Variants in LRRC7 observed in about 807,000 individuals in gnomAD.
The protein encoded by LRRC7 is leucine-rich repeat-containing protein 7.
A neutral mutation model predicts 175.7 loss-of-function variants in LRRC7; 23 were observed. That is an observed-to-expected ratio of 0.13 (90% confidence interval 0.09 to 0.19). LRRC7 has a LOEUF of 0.19. Ranked by LOEUF, LRRC7 falls within the 10% of genes least tolerant of loss-of-function variation. The pLI is 1.00. For missense variants in LRRC7, 1,354 were observed against 1,904.7 expected (o/e 0.71, Z 5.38); for synonymous variants, 685 against 680.9 (o/e 1.01, Z -0.09).
chr1:69,997,611 G>A, intron 11 of LRRC7, among the ~76,000 whole-genome samples: 1 of 150,800 alleles, frequency 6.6e-6, no homozygotes, highest in African/African-American at 2.4e-5. Flanking sequence ...TTAGCATGAA[G>A]GGTTGTTGAA....
intron 8 of LRRC7, among the ~76,000 whole-genome samples, chr1:69,939,021 ATATATATATCTATATATATCTATATC>A (rs879443314): frequency 0.03 from 3,498 of 118,428 alleles, 218 homozygotes; most frequent in African/African-American, 0.049. Context: ...ATATCTATAT[ATATATATATCTATATATATCTATATC>A]TATCTCACAG....
intron 7 of LRRC7, among the ~76,000 whole-genome samples, chr1:69,928,255 G>A (rs1259859311): frequency 6.6e-6 from 1 of 152,212 alleles, no homozygotes; most frequent in Non-Finnish European, 1.5e-5. Flanking sequence ...GGGGTCAGGA[G>A]TCAGGGACCC....
At chr1:69,658,043 C>T (rs1656908821) in intron 1 of LRRC7, among the ~76,000 whole-genome samples, 1 of 151,742 alleles carries the variant, frequency 6.6e-6, no homozygotes, top group Non-Finnish European at 1.5e-5. Flanking sequence ...ATGGCTCTTA[C>T]TCAAGCCTAA....
intron 1 of LRRC7, among the ~76,000 whole-genome samples, chr1:69,670,251 C>G (rs1005811103): frequency 2.0e-5 from 3 of 152,182 alleles, no homozygotes; most frequent in African/African-American, 7.2e-5. Flanking sequence ...TTCAAAAGGA[C>G]ATGGGTGTTG....
At chr1:69,662,004 G>A (rs1657541358) in intron 1 of LRRC7, among the ~76,000 whole-genome samples, 2 of 152,118 alleles carry the variant, frequency 1.3e-5, no homozygotes, top group South Asian at 4.1e-4. Flanking sequence ...GCAATAATCT[G>A]AACATGAGCA....
chr1:70,115,220 T>TC (rs1665771557), intron 26 of LRRC7, among the ~76,000 whole-genome samples: 1 of 152,198 alleles, frequency 6.6e-6, no homozygotes, highest in Admixed American at 6.5e-5. Context: ...ACTACAAAGA[T>TC]CAATAGCAAG....
intron 1 of LRRC7, among the ~76,000 whole-genome samples, chr1:69,595,301 TC>T (rs1221257670): frequency 7.9e-5 from 12 of 152,098 alleles, no homozygotes; most frequent in Admixed American, 5.9e-4. Context: ...GCACCTGTAA[TC>T]CCAGCTACTC....
Position 69,641,112 on chromosome 1 carries a change from G to A in LRRC7, c.3-37269G>A, listed in dbSNP as rs1414838037. On this transcript the variant is annotated intron_variant, in intron 1 of 26. Coordinates refer to ENST00000651989, the MANE Select transcript of LRRC7 (RefSeq NM_001370785.2). ...GAATTTATTCCTTTATTTTTTCCAT[G>A]TAACAAGTTATAGTAATATTTTATA... Among the ~76,000 whole-genome samples, 5 of 151,468 alleles carry A rather than the reference G, an allele frequency of 3.3e-5. No individual in the cohort carries two copies. The East Asian group carries it at 9.7e-4, about 29-fold the overall frequency.
chr1:70,095,607 T>C (rs1182513255), intron 25 of LRRC7, among the ~76,000 whole-genome samples: 1 of 152,162 alleles, frequency 6.6e-6, no homozygotes, highest in East Asian at 1.9e-4. Context: ...CTTTAGCCAA[T>C]TGAAAAATGT....
chr1:69,906,107 T>C (rs1293840079), intron 7 of LRRC7, among the ~76,000 whole-genome samples: 1 of 152,054 alleles, frequency 6.6e-6, no homozygotes, highest in Non-Finnish European at 1.5e-5. Flanking sequence ...ATGGGGTTGT[T>C]TGTTTTTTTC....
chr1:69,657,225 T>C (rs1209400246), intron 1 of LRRC7, among the ~76,000 whole-genome samples: 1 of 151,884 alleles, frequency 6.6e-6, no homozygotes, highest in African/African-American at 2.4e-5. Context: ...TAACATATCA[T>C]TATTCTATGA....
rs1032126177 is a variant in LRRC7, at chr1:70,143,383, A to G, written c.*21496A>G. ...AATTTACAATATTCGACTGGTAAAG[A>G]AAGTGCTTCTTTATGACTTCTTTTG... On this transcript the variant is annotated 3_prime_UTR_variant, in exon 27 of 27. Transcript: ENST00000651989. The G allele has an allele frequency of 6.6e-6, 1 of 152,156 alleles. No homozygotes were observed. The highest frequency in any genetic ancestry group is 1.5e-5 in the Non-Finnish European group (1 of 68,040). The allele number at this position is 152,156 out of a possible 1,614,324, so 9.4% of individuals were successfully genotyped here. A position where few individuals can be genotyped will look rare whatever the true frequency, so the allele number is the denominator to read the frequency against.
At chr1:69,849,200 A>C (rs1682705845) in intron 7 of LRRC7, among the ~76,000 whole-genome samples, 1 of 152,066 alleles carries the variant, frequency 6.6e-6, no homozygotes, top group Non-Finnish European at 1.5e-5. Flanking sequence ...CTTATCAAGC[A>C]TTAGCTGTTT....
Position 70,143,713 on chromosome 1 carries a change from C to CTTACT in LRRC7, c.*21830_*21834dup, listed in dbSNP as rs1667177268. 6.6e-6 allele frequency: 1 copy of CTTACT among 151,946 alleles called. No individual in the cohort carries two copies. Among genetic ancestry groups the CTTACT allele is most frequent in the African/African-American group, 2.4e-5 (1 of 41,372 alleles). The allele number at this position is 151,946 out of a possible 1,614,324, so 9.4% of individuals were successfully genotyped here. A position where few individuals can be genotyped will look rare whatever the true frequency, so the allele number is the denominator to read the frequency against. On this transcript the variant is annotated 3_prime_UTR_variant, in exon 27 of 27. Coordinates refer to ENST00000651989, the MANE Select transcript of LRRC7 (RefSeq NM_001370785.2). The stretch of plus-strand genomic sequence containing the variant: ...ACTCTAGCCAATTCAAAACAAATTG[C>CTTACT]TTACTTTAATAATACAATTTTACCA...
intron 1 of LRRC7, among the ~76,000 whole-genome samples, chr1:69,573,648 AATT>A (rs1255601215): frequency 9.2e-5 from 14 of 152,284 alleles, no homozygotes; most frequent in African/African-American, 3.4e-4. Flanking sequence ...ATGCTAATTA[AATT>A]ATTATTCATA....
chr1:69,623,056 A>C (rs926346729), intron 1 of LRRC7, among the ~76,000 whole-genome samples: 3 of 152,112 alleles, frequency 2.0e-5, no homozygotes, highest in Admixed American at 1.3e-4. Context: ...CAGGTTTTCT[A>C]CCACTTGGAT....
chr1:70,003,978 T>A (rs1439768377), intron 11 of LRRC7, among the ~76,000 whole-genome samples: 6 of 152,194 alleles, frequency 3.9e-5, no homozygotes. Context: ...CTAACGTAAT[T>A]TTTTTGCAAA....
chr1:70,109,981 A>G (rs1018670308), intron 26 of LRRC7, among the ~76,000 whole-genome samples: 6 of 152,254 alleles, frequency 3.9e-5, no homozygotes, highest in Non-Finnish European at 8.8e-5. Flanking sequence ...TCCTTCCTCC[A>G]TGACAGAAGC....
chr1:70,039,057 T>A lies in LRRC7; in HGVS notation c.3233T>A (p.Val1078Glu). 6.2e-7 allele frequency: 1 copy of A among 1,614,062 alleles called. No individual in the cohort carries two copies. The highest frequency in any genetic ancestry group is 8.5e-7 in the Non-Finnish European group (1 of 1,180,002). ...CAAAGCTTCAATCCTCAAGGATCAG[T>A]GGAAGTGAAAGCCGAAAAGAGGATA... ...FDQSFNPQGS[V>E]EVKAEKRIPP... The change falls in exon 21 of 27, where the codon GTG (valine) becomes GAG (glutamate). Residue 1078 changes from valine (V) to glutamate (E), a missense_variant. Around this residue, in one of 4 missense-constraint regions of LRRC7, gnomAD observed 1,032 missense variants for 1,227.2 expected, o/e 0.84. Coordinates refer to ENST00000651989, the MANE Select transcript of LRRC7 (RefSeq NM_001370785.2).
Sources: allele counts gnomAD v4.1 joint callset (sites outside exome capture counted in the v4.1 genomes callset), GRCh38; gene constraint gnomAD v4.1.1; regional missense constraint gnomAD v4.1.1; transcripts MANE v1.5; gene names NCBI Gene and HGNC (gene_info 2026-07-23, HGNC 2026-07-21).